Variants in POLA1 observed in about 807,000 individuals in gnomAD.
The protein encoded by POLA1 is DNA polymerase alpha 1, catalytic subunit.
A neutral mutation model predicts 124.0 loss-of-function variants in POLA1; 15 were observed. That is an observed-to-expected ratio of 0.12 (90% confidence interval 0.08 to 0.19). The LOEUF is 0.19. POLA1 is among the 10% of genes least tolerant of loss of function. The probability of loss-of-function intolerance (pLI) is 1.00; values close to 1 mark genes in which losing one functional copy is unlikely to be tolerated. For missense variants in POLA1, 886 were observed against 1,103.4 expected (o/e 0.80, Z 2.79); for synonymous variants, 408 against 389.4 (o/e 1.05, Z -0.56).
chrX:24,858,837 A>C (rs1339157179), intron 34 of POLA1, among the ~76,000 whole-genome samples: 1 of 112,093 alleles, frequency 8.9e-6, no homozygotes, highest in African/African-American at 3.2e-5. Flanking sequence ...CACACACCAA[A>C]AGTATTTAAA....
At chrX:24,977,944 C>T (rs1427022643) in intron 36 of POLA1, among the ~76,000 whole-genome samples, 1 of 111,487 alleles carries the variant, frequency 9.0e-6, no homozygotes, top group Non-Finnish European at 1.9e-5. Flanking sequence ...AACCGGTCTT[C>T]ACTCATACTT....
At chrX:24,759,355 C>T (rs182320515) in intron 26 of POLA1, among the ~76,000 whole-genome samples, 1 of 111,911 alleles carries the variant, frequency 8.9e-6, no homozygotes, top group African/African-American at 3.2e-5. Context: ...ATTCTCCAAC[C>T]TCTACTTCAG....
chrX:24,796,039 A>C (rs760448666), intron 26 of POLA1, among the ~76,000 whole-genome samples: 86 of 111,422 alleles, frequency 7.7e-4, no homozygotes, highest in African/African-American at 2.7e-3. Flanking sequence ...AATGGCACCA[A>C]ACTTAACATA....
At chrX:24,743,804 C>T (rs1407523298) in intron 23 of POLA1, among the ~76,000 whole-genome samples, 1 of 111,957 alleles carries the variant, frequency 8.9e-6, no homozygotes, top group Non-Finnish European at 1.9e-5. Flanking sequence ...CCAAATTTAA[C>T]TTTAATAGGA....
chrX:24,804,380 A>G (rs2045766029), intron 26 of POLA1, among the ~76,000 whole-genome samples: 1 of 111,613 alleles, frequency 9.0e-6, no homozygotes, highest in Admixed American at 9.5e-5. Context: ...ATTTATATTA[A>G]TATTTCACCT....
At chrX:24,898,761 T>G (rs1453296135) in intron 35 of POLA1, among the ~76,000 whole-genome samples, 1 of 112,391 alleles carries the variant, frequency 8.9e-6, no homozygotes, top group Non-Finnish European at 1.9e-5. Context: ...AGAAATGTGT[T>G]CATAATAGAA....
At chrX:24,737,306 A>G (rs1427716904) in intron 18 of POLA1, among the ~76,000 whole-genome samples, 1 of 112,075 alleles carries the variant, frequency 8.9e-6, no homozygotes, top group Admixed American at 9.4e-5. Flanking sequence ...AAAGTATGGG[A>G]CATTAAATTT....
chrX:24,854,243 A>G (rs1225082148), intron 34 of POLA1, among the ~76,000 whole-genome samples: 3 of 110,446 alleles, frequency 2.7e-5, no homozygotes, highest in Middle Eastern at 4.6e-3. Context: ...ACAGGGTTTC[A>G]CCATGTTGGC....
intron 35 of POLA1, among the ~76,000 whole-genome samples, chrX:24,900,942 C>T (rs1020779593): frequency 3.6e-5 from 4 of 111,660 alleles, no homozygotes; most frequent in Non-Finnish European, 7.5e-5. Flanking sequence ...GAATGCCAAG[C>T]AGAGATCATT....
chrX:24,876,356 C>T (rs777060628), intron 34 of POLA1, among the ~76,000 whole-genome samples: 12 of 111,947 alleles, frequency 1.1e-4, no homozygotes, highest in Non-Finnish European at 2.1e-4. Context: ...AACTTCATCT[C>T]GGCATGTAGA....
intron 32 of POLA1, among the ~76,000 whole-genome samples, chrX:24,837,454 T>C (rs2046355875): frequency 8.9e-6 from 1 of 112,322 alleles, no homozygotes; most frequent in Non-Finnish European, 1.9e-5. Flanking sequence ...TGAGTAGTAT[T>C]AGCTGAGTAG....
intron 10 of POLA1, among the ~76,000 whole-genome samples, chrX:24,719,472 CTT>C (rs745637321): frequency 8.9e-6 from 1 of 111,751 alleles, no homozygotes; most frequent in African/African-American, 3.2e-5. Context: ...CCCCTCACCT[CTT>C]TGACTATTTT....
chrX:24,786,367 A>G (rs945213570), intron 26 of POLA1, among the ~76,000 whole-genome samples: 1 of 112,052 alleles, frequency 8.9e-6, no homozygotes. Context: ...GTGAGGTGAT[A>G]TGTCATTGTG....
intron 35 of POLA1, among the ~76,000 whole-genome samples, chrX:24,928,728 T>TA (rs904726575): frequency 8.9e-6 from 1 of 112,245 alleles, no homozygotes; most frequent in African/African-American, 3.2e-5. Context: ...CTGCTGAATC[T>TA]AAAAAACTAA....
intron 34 of POLA1, among the ~76,000 whole-genome samples, chrX:24,851,659 G>T (rs2046563895): frequency 8.8e-6 from 1 of 113,045 alleles, no homozygotes; most frequent in African/African-American, 3.2e-5. Flanking sequence ...AAAGCTTTCT[G>T]AAATGCTGAG....
intron 36 of POLA1, among the ~76,000 whole-genome samples, chrX:24,939,247 GT>G (rs889930156): frequency 2.7e-5 from 3 of 111,965 alleles, no homozygotes; most frequent in African/African-American, 6.5e-5. Context: ...AGATTGATAA[GT>G]TTTTTTATGT....
chrX:24,949,837 C>T (rs1184366027), intron 36 of POLA1, among the ~76,000 whole-genome samples: 6 of 107,912 alleles, frequency 5.6e-5, no homozygotes, highest in East Asian at 5.8e-4. Context: ...CGGGTTCAAG[C>T]GATTCTCCTG....
At chrX:24,903,370 C>T (rs1046396521) in intron 35 of POLA1, among the ~76,000 whole-genome samples, 1 of 112,406 alleles carries the variant, frequency 8.9e-6, no homozygotes, top group African/African-American at 3.2e-5. Flanking sequence ...CAAAGACACT[C>T]GTATTTTTAG....
intron 24 of POLA1, among the ~76,000 whole-genome samples, chrX:24,746,449 A>G (rs1487492919): frequency 1.8e-5 from 2 of 112,117 alleles, no homozygotes; most frequent in African/African-American, 3.2e-5. Context: ...GGAGCTTTCC[A>G]GCTTGGATTC....
Sources: gnomAD v4.1 joint callset for allele counts (sites outside exome capture counted in the v4.1 genomes callset) on GRCh38, gnomAD v4.1.1 for gene constraint, MANE v1.5 for transcripts, NCBI Gene and HGNC (gene_info 2026-07-23, HGNC 2026-07-21) for gene names.